UBE2K: variants seen among roughly 807,000 people sequenced by gnomAD.
UBE2K encodes the protein ubiquitin conjugating enzyme E2 K, also known as ubiquitin-conjugating enzyme E2 K.
Under a neutral mutation model 30.0 loss-of-function variants are expected in UBE2K, and 6 were observed. That is an observed-to-expected ratio of 0.20 (90% CI 0.11 to 0.39). UBE2K has a LOEUF of 0.39. UBE2K is among the 10% of genes least tolerant of loss of function. UBE2K has a pLI of 1.00. For synonymous variants in UBE2K, 86 were observed against 83.7 expected (o/e 1.03, Z -0.15); for missense variants, 61 against 241.6 (o/e 0.25, Z 4.96).
At chr4:39,754,625 T>C (rs1164457384) in intron 3 of UBE2K, among the ~76,000 whole-genome samples, 1 of 152,140 alleles carries the variant, frequency 6.6e-6, no homozygotes, top group Non-Finnish European at 1.5e-5. Context: ...TCCTCATGCC[T>C]CAGCTCCCTA....
At chr4:39,748,351 C>A (rs1721085454) in intron 3 of UBE2K, among the ~76,000 whole-genome samples, 1 of 152,188 alleles carries the variant, frequency 6.6e-6, no homozygotes, top group Non-Finnish European at 1.5e-5. Flanking sequence ...ACCTTGGCCT[C>A]CCAAAGTGCT....
At chr4:39,771,389 C>CA (rs1180572937) in intron 4 of UBE2K, 20 of 1,611,932 alleles carry the variant, frequency 1.2e-5, no homozygotes, top group Non-Finnish European at 5.1e-6. Flanking sequence ...AGCGTAGCGG[C>CA]CTAGTGGCCG....
chr4:39,711,211 G>A (rs1401538939), intron 1 of UBE2K, among the ~76,000 whole-genome samples: 1 of 136,142 alleles, frequency 7.3e-6, no homozygotes, highest in Non-Finnish European at 1.5e-5. Context: ...CGCCCAGGCT[G>A]GAGTGCAGTG....
At chr4:39,763,975 A>G (rs1316508323) in intron 4 of UBE2K, among the ~76,000 whole-genome samples, 3 of 151,622 alleles carry the variant, frequency 2.0e-5, no homozygotes, top group Non-Finnish European at 2.9e-5. Flanking sequence ...CAAGCGATCT[A>G]CCTGCTTCAG....
chr4:39,764,186 CTG>C (rs1428355281), intron 4 of UBE2K, among the ~76,000 whole-genome samples: 2 of 152,162 alleles, frequency 1.3e-5, no homozygotes, highest in African/African-American at 4.8e-5. Context: ...AAGACCCTGT[CTG>C]TACAAAAAAT....
intron 1 of UBE2K, among the ~76,000 whole-genome samples, chr4:39,705,321 C>T (rs1718285161): frequency 1.3e-5 from 2 of 150,902 alleles, no homozygotes; most frequent in Non-Finnish European, 3.0e-5. Flanking sequence ...CCTCAGCCTC[C>T]TGAGTAGCTG....
intron 1 of UBE2K, among the ~76,000 whole-genome samples, chr4:39,734,566 G>C (rs905209787): frequency 6.6e-6 from 1 of 152,128 alleles, no homozygotes; most frequent in Non-Finnish European, 1.5e-5. Flanking sequence ...TGGAGGCCAA[G>C]GCAGGAGGCC....
intron 4 of UBE2K, chr4:39,771,499 T>C: frequency 2.1e-6 from 3 of 1,463,378 alleles, no homozygotes; most frequent in Non-Finnish European, 1.8e-6. Flanking sequence ...TCCCCTATTT[T>C]CCCCACCCCC....
At position 39,778,481 on chromosome 4, in the gene UBE2K, G is replaced by T; in HGVS notation, c.*47G>T. The T allele has an allele frequency of 8.1e-7, 1 of 1,228,692 alleles. No homozygotes were observed. The highest frequency in any genetic ancestry group is 1.3e-5 in the South Asian group (1 of 78,760). The allele number at this position is 1,228,692 out of a possible 1,614,324, so 76.1% of individuals were successfully genotyped here. A position where few individuals can be genotyped will look rare whatever the true frequency, so the allele number is the denominator to read the frequency against. On this transcript the variant is annotated 3_prime_UTR_variant, in exon 7 of 7. Transcript: ENST00000261427. ...AGTCAAGCTTGCCTCTTCTTGAGGA[G>T]CACCAACATCTGTTATTTTTAGGAT... is the stretch of plus-strand genomic sequence containing the variant.
intron 1 of UBE2K, among the ~76,000 whole-genome samples, chr4:39,721,201 C>G (rs1414715209): frequency 6.6e-6 from 1 of 152,046 alleles, no homozygotes; most frequent in Non-Finnish European, 1.5e-5. Context: ...ATGAGAGTTT[C>G]TTTAGTAGGG....
chr4:39,735,122 C>A (rs1480429677), intron 1 of UBE2K, among the ~76,000 whole-genome samples: 1 of 152,240 alleles, frequency 6.6e-6, no homozygotes, highest in Non-Finnish European at 1.5e-5. Flanking sequence ...TGTAAGTTAA[C>A]ACTGGCTTCT....
chr4:39,734,200 G>A (rs1245570208), intron 1 of UBE2K, among the ~76,000 whole-genome samples: 1 of 150,880 alleles, frequency 6.6e-6, no homozygotes, highest in Non-Finnish European at 1.5e-5. Context: ...CCACACCCTG[G>A]ATTCAAACGA....
chr4:39,727,401 C>T (rs532975618), intron 1 of UBE2K, among the ~76,000 whole-genome samples: 1 of 152,248 alleles, frequency 6.6e-6, no homozygotes, highest in East Asian at 1.9e-4. Context: ...ACCACAGTCA[C>T]CCAGGCAGGA....
chr4:39,717,785 G>A (rs527426969), intron 1 of UBE2K, among the ~76,000 whole-genome samples: 3 of 152,086 alleles, frequency 2.0e-5, no homozygotes, highest in South Asian at 2.1e-4. Context: ...TCTGATGTTC[G>A]GTTGTGTTCG....
intron 1 of UBE2K, 50 bp downstream of exon 1, chr4:39,698,440 G>T (rs771468063): frequency 6.4e-7 from 1 of 1,558,978 alleles, no homozygotes; most frequent in South Asian, 1.2e-5. Context: ...GGGCGGGAGG[G>T]TCCTCCCAGC....
At chr4:39,701,648 T>C (rs1194685565) in intron 1 of UBE2K, among the ~76,000 whole-genome samples, 1 of 152,224 alleles carries the variant, frequency 6.6e-6, no homozygotes, top group East Asian at 1.9e-4. Context: ...CGAGCCTGGT[T>C]TGTATTACTG....
At chr4:39,726,767 T>C (rs988469560) in intron 1 of UBE2K, among the ~76,000 whole-genome samples, 1 of 152,014 alleles carries the variant, frequency 6.6e-6, no homozygotes, top group African/African-American at 2.4e-5. Context: ...GGCTAATTTT[T>C]TGTGTTTTTA....
At chr4:39,737,796 C>T (rs1054798606) in intron 2 of UBE2K, among the ~76,000 whole-genome samples, 3 of 152,032 alleles carry the variant, frequency 2.0e-5, no homozygotes, top group African/African-American at 7.2e-5. Context: ...CATGGTAAAC[C>T]TCTAAATCAT....
chr4:39,759,716 C>T (rs1711763716), intron 4 of UBE2K, among the ~76,000 whole-genome samples: 1 of 152,324 alleles, frequency 6.6e-6, no homozygotes, highest in South Asian at 2.1e-4. Flanking sequence ...AAATTTCACT[C>T]AGTGACGCTG....
Sources: allele counts gnomAD v4.1 joint callset (sites outside exome capture counted in the v4.1 genomes callset), GRCh38; gene constraint gnomAD v4.1.1; transcripts MANE v1.5; gene names NCBI Gene and HGNC (gene_info 2026-07-23, HGNC 2026-07-21).